Variants in TMEM63C observed in about 807,000 individuals in gnomAD.
TMEM63C encodes the protein transmembrane protein 63C.
A neutral mutation model predicts 99.2 loss-of-function variants in TMEM63C; 32 were observed. The ratio of observed to expected loss-of-function variants is 0.32; its 90% confidence interval spans 0.24 to 0.43. The LOEUF is 0.43. TMEM63C is among the 20% of genes least tolerant of loss of function. TMEM63C has a pLI of 1.00. For missense variants in TMEM63C, 826 were observed against 1,053.0 expected (o/e 0.78, Z 2.98); for synonymous variants, 376 against 397.9 (o/e 0.94, Z 0.66).
At chr14:77,252,061 T>C (rs1315425054) in intron 22 of TMEM63C, among the ~76,000 whole-genome samples, 163 bp downstream of exon 22, 1 of 136,458 alleles carries the variant, frequency 7.3e-6, no homozygotes, top group Non-Finnish European at 1.6e-5. Context: ...CGTGCATGCA[T>C]GCGTGCATGC....
At chr14:77,247,305 A>G (rs1011778988) in intron 18 of TMEM63C, among the ~76,000 whole-genome samples, 1 of 152,032 alleles carries the variant, frequency 6.6e-6, no homozygotes, top group Non-Finnish European at 1.5e-5. Context: ...AGTTCAAGCG[A>G]TTCTCCCACC....
At chr14:77,246,713 G>GCACA (rs1377318898) in intron 18 of TMEM63C, 39 bp downstream of exon 18, 1 of 1,545,252 alleles carries the variant, frequency 6.5e-7, no homozygotes, top group Admixed American at 1.7e-5. Context: ...TGCTGTGTGT[G>GCACA]CACACAGGAG....
Position 77,220,075 on chromosome 14 carries a change from A to G in TMEM63C, c.300A>G (p.Glu100=). The change falls in exon 5 of 24, where the codon GAA becomes GAG. Residue 100 remains glutamate (E), a synonymous_variant. Transcript: ENST00000298351. ...TSPSETSLEM[E]RRDKGFCSWF... is the part of the protein sequence containing the mutation. ...CCTCGGAGACTTCCTTGGAGATGGA[A>G]CGCAGAGACAAGGTGAGTGCTGGGA... 6.4e-7 allele frequency: 1 copy of G among 1,558,316 alleles called. No individual in the cohort carries two copies. The highest frequency in any genetic ancestry group is 8.7e-7 in the Non-Finnish European group (1 of 1,151,034).
chr14:77,244,117 C>G (rs1314975901), intron 15 of TMEM63C, among the ~76,000 whole-genome samples: 2 of 152,140 alleles, frequency 1.3e-5, no homozygotes, highest in Non-Finnish European at 2.9e-5. Context: ...CTCAAGAAAG[C>G]TCAGGCTGCC....
At position 77,256,534 on chromosome 14, in the gene TMEM63C, G is replaced by C. The variant is rs763193473; in HGVS notation, c.2229G>C (p.Val743=). Residue 743 remains valine (V), a synonymous_variant, in exon 24 of 24, where the codon GTG becomes GTC. Coordinates refer to ENST00000298351, the MANE Select transcript of TMEM63C (RefSeq NM_020431.4). ...TSSTPTSLLY[V]ATVLQEPELN... is the part of the protein sequence containing the mutation. ...GTCTCTATCCCAAGCAGCTGTATGT[G>C]GCCACCGTGCTGCAAGAACCGGAGT... is the stretch of plus-strand genomic sequence containing the variant. 6.2e-7 allele frequency: 1 copy of C among 1,613,910 alleles called. No homozygotes were observed. Among genetic ancestry groups the C allele is most frequent in the South Asian group, 1.1e-5 (1 of 91,076 alleles).
At chr14:77,246,809 A>G in intron 18 of TMEM63C, 135 bp downstream of exon 18, 1 of 665,310 alleles carries the variant, frequency 1.5e-6, no homozygotes, top group Non-Finnish European at 2.5e-6. Flanking sequence ...CTCACTGGGC[A>G]GACTTGTTAC....
intron 2 of TMEM63C, among the ~76,000 whole-genome samples, chr14:77,214,766 A>G (rs576676462): frequency 6.6e-6 from 1 of 151,486 alleles, no homozygotes; most frequent in East Asian, 2.0e-4. Flanking sequence ...GCTCGCTCCC[A>G]CGGTCATGTC....
intron 2 of TMEM63C, among the ~76,000 whole-genome samples, chr14:77,217,587 AAATG>A (rs1210810129): frequency 6.6e-6 from 1 of 152,250 alleles, no homozygotes; most frequent in African/African-American, 2.4e-5. Flanking sequence ...TCTGAAGGCA[AAATG>A]AATGATCTTT....
intron 13 of TMEM63C, among the ~76,000 whole-genome samples, chr14:77,241,975 A>G (rs1214669970): frequency 6.6e-6 from 1 of 152,252 alleles, no homozygotes; most frequent in Non-Finnish European, 1.5e-5. Context: ...AAAGAACTCA[A>G]TAATTAGTAG....
chr14:77,195,576 C>T (rs1003885233), intron 1 of TMEM63C, among the ~76,000 whole-genome samples: 2 of 152,188 alleles, frequency 1.3e-5, no homozygotes, highest in African/African-American at 4.8e-5. Context: ...CCCTCCCCTC[C>T]TCCTGCAGAT....
intron 8 of TMEM63C, 124 bp downstream of exon 8, chr14:77,233,624 G>A (rs1888983922): frequency 9.9e-7 from 1 of 1,013,734 alleles, no homozygotes. Flanking sequence ...GTTTCCCTGG[G>A]AATCGGGTCC....
intron 5 of TMEM63C, among the ~76,000 whole-genome samples, chr14:77,223,259 A>G (rs1888757699): frequency 6.6e-6 from 1 of 152,208 alleles, no homozygotes. Flanking sequence ...ATCTAAGAAG[A>G]TAAATCCTTA....
chr14:77,183,802 G>A (rs1887952025), intron 1 of TMEM63C, among the ~76,000 whole-genome samples: 1 of 152,176 alleles, frequency 6.6e-6, no homozygotes, highest in Non-Finnish European at 1.5e-5. Context: ...GGGAAGGGAT[G>A]GGGTTCCCAG....
At chr14:77,183,430 G>C (rs770137953) in intron 1 of TMEM63C, among the ~76,000 whole-genome samples, 1 of 152,142 alleles carries the variant, frequency 6.6e-6, no homozygotes, top group African/African-American at 2.4e-5. Context: ...GCTTGAAGAC[G>C]GGAAGTGAAG....
At chr14:77,255,153 G>A (rs898113581) in intron 23 of TMEM63C, among the ~76,000 whole-genome samples, 3 of 152,042 alleles carry the variant, frequency 2.0e-5, no homozygotes, top group Non-Finnish European at 4.4e-5. Context: ...ATCACACCTG[G>A]CTAATTTTTG....
intron 1 of TMEM63C, among the ~76,000 whole-genome samples, chr14:77,199,803 G>C (rs576964636): frequency 6.6e-6 from 1 of 152,330 alleles, no homozygotes; most frequent in South Asian, 2.1e-4. Context: ...AACACTGGCT[G>C]AATTGTGTCC....
chr14:77,215,337 G>A (rs532755857), intron 2 of TMEM63C, among the ~76,000 whole-genome samples: 5 of 152,084 alleles, frequency 3.3e-5, no homozygotes, highest in East Asian at 1.9e-4. Context: ...ATGGGGGCTC[G>A]CACCTGTAAT....
chr14:77,219,435 G>C (rs1888650007), intron 3 of TMEM63C, 63 bp from the exon 4 acceptor site: 8 of 1,567,986 alleles, frequency 5.1e-6, no homozygotes, highest in Admixed American at 1.7e-5. Flanking sequence ...GAATGCAGGG[G>C]GCCAGCCAAG....
chr14:77,186,925 C>T (rs554091463), intron 1 of TMEM63C, among the ~76,000 whole-genome samples: 4 of 152,122 alleles, frequency 2.6e-5, no homozygotes, highest in South Asian at 2.1e-4. Context: ...TGTGCCCAGG[C>T]GTGTCAACTA....
Sources: gnomAD v4.1 joint callset for allele counts (sites outside exome capture counted in the v4.1 genomes callset) on GRCh38, gnomAD v4.1.1 for gene constraint, MANE v1.5 for transcripts, NCBI Gene and HGNC (gene_info 2026-07-23, HGNC 2026-07-21) for gene names.